ANK3: variants seen among roughly 807,000 people sequenced by gnomAD.
ANK3 encodes the protein ankyrin 3.
ANK3 carries 57 observed loss-of-function variants against 370.9 expected under a neutral mutation model. That is an observed-to-expected ratio of 0.15 (90% CI 0.12 to 0.19). The LOEUF is 0.19. Ranked by LOEUF, ANK3 falls within the 10% of genes least tolerant of loss-of-function variation. The probability of loss-of-function intolerance (pLI) is 1.00; values close to 1 mark genes in which losing one functional copy is unlikely to be tolerated. For missense variants in ANK3, 4,439 were observed against 5,302.1 expected (o/e 0.84, Z 5.06); for synonymous variants, 1,929 against 1,946.3 (o/e 0.99, Z 0.23).
chr10:60,493,126 T>C (rs1412830033), intron 2 of ANK3, among the ~76,000 whole-genome samples: 2 of 150,072 alleles, frequency 1.3e-5, no homozygotes, highest in African/African-American at 4.9e-5. Context: ...GAATTGTAAG[T>C]TTCAAAGATG....
intron 43 of ANK3, among the ~76,000 whole-genome samples, chr10:60,038,668 C>T (rs1294200173): frequency 6.6e-6 from 1 of 151,846 alleles, no homozygotes; most frequent in Non-Finnish European, 1.5e-5. Context: ...TTTCCTCTGG[C>T]CTACAGGGCT....
At chr10:60,407,273 G>T (rs2063474269) in intron 2 of ANK3, among the ~76,000 whole-genome samples, 1 of 152,150 alleles carries the variant, frequency 6.6e-6, no homozygotes, top group South Asian at 2.1e-4. Flanking sequence ...TTTTCTTGAA[G>T]TATGTGGCAC....
intron 1 of ANK3, among the ~76,000 whole-genome samples, chr10:60,295,225 C>G (rs1048785796): frequency 2.6e-5 from 4 of 152,106 alleles, no homozygotes; most frequent in Admixed American, 2.6e-4. Flanking sequence ...AGACTCTGGA[C>G]CCAGGATGCC....
chr10:60,395,627 TC>T (rs1282048714), intron 2 of ANK3, among the ~76,000 whole-genome samples: 9 of 36,754 alleles, frequency 2.4e-4, no homozygotes, highest in African/African-American at 7.9e-4. Context: ...GTTCTCTCTC[TC>T]TCTCTCTCTC....
At chr10:60,536,561 T>A (rs2076729535) in intron 2 of ANK3, among the ~76,000 whole-genome samples, 1 of 152,066 alleles carries the variant, frequency 6.6e-6, no homozygotes, top group African/African-American at 2.4e-5. Context: ...AACGTTCTTT[T>A]CTGAGTATCC....
chr10:60,306,867 G>A (rs560875802), intron 1 of ANK3, among the ~76,000 whole-genome samples: 107 of 152,126 alleles, frequency 7.0e-4, no homozygotes, highest in African/African-American at 2.5e-3. Flanking sequence ...CTGGCCTCCC[G>A]AGTAGTAGGT....
chr10:60,046,665 AATAG>A (rs1233285416), intron 42 of ANK3, among the ~76,000 whole-genome samples: 2 of 152,156 alleles, frequency 1.3e-5, no homozygotes, highest in Non-Finnish European at 2.9e-5. Flanking sequence ...GAGTTGATTA[AATAG>A]ATAGGAAAGA....
chr10:60,336,589 A>ATCTATCTATCTG (rs1427158744), intron 1 of ANK3, among the ~76,000 whole-genome samples: 1 of 152,068 alleles, frequency 6.6e-6, no homozygotes, highest in Non-Finnish European at 1.5e-5. Flanking sequence ...CTATCTATCT[A>ATCTATCTATCTG]TCTATCTATT....
chr10:60,190,174 A>T (rs2132379842), intron 16 of ANK3, among the ~76,000 whole-genome samples: 1 of 152,366 alleles, frequency 6.6e-6, no homozygotes, highest in South Asian at 2.1e-4. Context: ...ATTTTAAAAA[A>T]GAGAAGAAAG....
At chr10:60,432,852 G>A (rs1361042988) in intron 2 of ANK3, among the ~76,000 whole-genome samples, 2 of 152,152 alleles carry the variant, frequency 1.3e-5, no homozygotes, top group African/African-American at 2.4e-5. Context: ...CTGCTGTTCT[G>A]AGAAAGTCAT....
chr10:60,625,436 T>C (rs2078395920), intron 1 of ANK3, among the ~76,000 whole-genome samples: 1 of 152,210 alleles, frequency 6.6e-6, no homozygotes. Context: ...TTAGAAAGTA[T>C]GTGATCACCT....
chr10:60,306,555 C>T (rs2045178836), intron 1 of ANK3, among the ~76,000 whole-genome samples: 1 of 151,572 alleles, frequency 6.6e-6, no homozygotes. Context: ...ATGTCTTTTT[C>T]ATATAATGCC....
intron 23 of ANK3, among the ~76,000 whole-genome samples, chr10:60,160,653 G>T (rs554166287): frequency 4.0e-5 from 6 of 151,828 alleles, no homozygotes; most frequent in Non-Finnish European, 7.4e-5. Flanking sequence ...AAAAATCTTC[G>T]AATACTAGCA....
chr10:60,733,324 T>C (rs2080054823), exon 1 of ANK3: 1 of 1,233,956 alleles, frequency 8.1e-7, no homozygotes, highest in Non-Finnish European at 1.0e-6. Flanking sequence ...GGCCATGTTG[T>C]GGGGCTGCTG....
chr10:60,280,324 G>A (rs1194290503), intron 1 of ANK3, among the ~76,000 whole-genome samples: 1 of 152,114 alleles, frequency 6.6e-6, no homozygotes, highest in Non-Finnish European at 1.5e-5. Flanking sequence ...CTCCCAAAGT[G>A]TTGGGATTAT....
intron 2 of ANK3, among the ~76,000 whole-genome samples, chr10:60,565,786 A>G (rs1356610624): frequency 1.3e-5 from 2 of 152,268 alleles, no homozygotes; most frequent in South Asian, 4.1e-4. Flanking sequence ...CTATCCTTTC[A>G]TGACTTCATC....
At chr10:60,684,067 T>A (rs2079233449) in intron 1 of ANK3, among the ~76,000 whole-genome samples, 4 of 152,210 alleles carry the variant, frequency 2.6e-5, no homozygotes, top group Admixed American at 2.6e-4. Context: ...GAATTATATA[T>A]CAAATGATTA....
At chr10:60,497,128 G>C (rs1339843949) in intron 2 of ANK3, among the ~76,000 whole-genome samples, 2 of 151,958 alleles carry the variant, frequency 1.3e-5, no homozygotes, top group Non-Finnish European at 2.9e-5. Flanking sequence ...ATGGTGAGAT[G>C]CTGTCACTAT....
intron 1 of ANK3, among the ~76,000 whole-genome samples, chr10:60,315,345 A>G (rs1411079601): frequency 2.0e-5 from 3 of 152,160 alleles, no homozygotes; most frequent in African/African-American, 7.2e-5. Context: ...TTTAAAGTCT[A>G]TGTAACTTTC....
Sources: allele counts gnomAD v4.1 joint callset (sites outside exome capture counted in the v4.1 genomes callset), GRCh38; gene constraint gnomAD v4.1.1; transcripts MANE v1.5; gene names NCBI Gene and HGNC (gene_info 2026-07-23, HGNC 2026-07-21).